The following ZNF469 variants were observed in gnomAD, a reference collection of about 807,000 sequenced individuals.
ZNF469 encodes the protein zinc finger protein 469.
In ZNF469, 1 loss-of-function variant was observed where a neutral mutation model predicts 1.0. The ratio of observed to expected loss-of-function variants is 1.00; its 90% CI spans 0.35 to 4.73. ZNF469 has a LOEUF of 4.73. Ranked by LOEUF, ZNF469 falls within the 30% of genes most tolerant of loss-of-function variation. ZNF469 has a pLI of 0.16. For synonymous variants in ZNF469, 2,703 were observed against 2,363.4 expected, an observed-to-expected ratio of 1.14 and a Z score of -4.17; for missense variants, 6,100 against 5,356.3, an observed-to-expected ratio of 1.14 and a Z score of -4.33.
chr16:88,155,221 G>A, the ZNF469 span, among the ~76,000 whole-genome samples: 5 of 152,240 alleles, frequency 3.3e-5, no homozygotes, highest in East Asian at 7.7e-4. Flanking sequence ...GGCCCACAGG[G>A]CTGAGTTCAA....
At chr16:88,158,213 C>A in the ZNF469 span, among the ~76,000 whole-genome samples, 2 of 151,756 alleles carry the variant, frequency 1.3e-5, no homozygotes, top group African/African-American at 4.8e-5. Flanking sequence ...TTGTTAGAGG[C>A]AGCCTCTGGG....
chr16:88,135,778 T>TTTTTG, the ZNF469 span, among the ~76,000 whole-genome samples: 1 of 124,706 alleles, frequency 8.0e-6, no homozygotes, highest in Non-Finnish European at 1.6e-5. Context: ...TTTTTTTTTT[T>TTTTTG]GGGATGGAGT....
chr16:88,348,999 C>A, the ZNF469 span, among the ~76,000 whole-genome samples: 2 of 152,222 alleles, frequency 1.3e-5, no homozygotes. Context: ...GTCCTCGGCC[C>A]CTGCCTCCCA....
chr16:88,228,352 G>A, the ZNF469 span, among the ~76,000 whole-genome samples: 3 of 152,240 alleles, frequency 2.0e-5, no homozygotes, highest in Non-Finnish European at 2.9e-5. Flanking sequence ...TGGCATGGGC[G>A]CTGGGTCTGG....
chr16:88,388,667 C>T (rs539861723), intron 1 of ZNF469, among the ~76,000 whole-genome samples: 80 of 152,368 alleles, frequency 5.3e-4, no homozygotes, highest in African/African-American at 1.6e-3. Context: ...GGTCTCCATA[C>T]TGGAGGAGGC....
At chr16:88,384,994 T>C (rs190518017) in intron 1 of ZNF469, among the ~76,000 whole-genome samples, 4 of 152,304 alleles carry the variant, frequency 2.6e-5, no homozygotes, top group Admixed American at 2.6e-4. Flanking sequence ...GCAGCACATC[T>C]GCTCAGCTGT....
the ZNF469 span, among the ~76,000 whole-genome samples, chr16:88,327,488 A>T: frequency 6.6e-6 from 1 of 151,874 alleles, no homozygotes; most frequent in African/African-American, 2.4e-5. Flanking sequence ...AAATGTTCTC[A>T]TCTGCGGTTC....
At chr16:88,239,661 TTTTTTGTATATATATATATATATATATA>T in the ZNF469 span, among the ~76,000 whole-genome samples, 1 of 106,154 alleles carries the variant, frequency 9.4e-6, no homozygotes, top group African/African-American at 3.6e-5. Flanking sequence ...CTTATTTTTT[TTTTTTGTATATATATATATATATATATA>T]TATATATATA....
At chr16:88,214,076 A>C in the ZNF469 span, among the ~76,000 whole-genome samples, 1 of 152,210 alleles carries the variant, frequency 6.6e-6, no homozygotes, top group Non-Finnish European at 1.5e-5. Flanking sequence ...TGCAGAAGTC[A>C]CAACCCCTGT....
the ZNF469 span, among the ~76,000 whole-genome samples, chr16:88,254,891 T>C: frequency 6.6e-6 from 1 of 152,228 alleles, no homozygotes; most frequent in Non-Finnish European, 1.5e-5. Context: ...AGATTACAGA[T>C]AAATTTTGGG....
the ZNF469 span, chr16:88,276,391 C>T: frequency 6.6e-6 from 1 of 152,220 alleles, no homozygotes; most frequent in Non-Finnish European, 1.5e-5. Flanking sequence ...TGGCAACTGC[C>T]CACCCTGGGG....
chr16:88,430,944 G>A lies in ZNF469; in HGVS notation c.3474G>A (p.Pro1158=), dbSNP rs893275981. ...GDGAPANPEE[P]GGSRPGPGRS... ...GAGCCCCCGCGAACCCCGAGGAGCCGGGCGGGTCTCGCCCGGGCCCCGGCA... is the reference window on the plus strand; with the variant it reads ...GAGCCCCCGCGAACCCCGAGGAGCCAGGCGGGTCTCGCCCGGGCCCCGGCA... The change falls in exon 3 of 3, where the codon CCG becomes CCA. Residue 1158 remains proline (P), a synonymous_variant. Coordinates refer to ENST00000565624, the MANE Select transcript of ZNF469 (RefSeq NM_001367624.2). 9.8e-6 allele frequency: 15 copies of A among 1,535,616 alleles called. No individual in the cohort carries two copies. In the African/African-American group the frequency reaches 1.8e-4, roughly 18 times the overall value.
At position 88,418,556 on chromosome 16, in the gene ZNF469, C is replaced by A. The variant is rs1337273973; in HGVS notation, c.-191-6251C>A. Among the ~76,000 whole-genome samples, 4 of 150,820 alleles carry A rather than the reference C, an allele frequency of 2.7e-5. No individual in the cohort carries two copies. In the East Asian group the frequency reaches 5.9e-4, roughly 22 times the overall value. ...GCACAAATCCCCACCGCCCCCCCGG[C>A]CACCTCCCTGTCATTTTCGAAGACA... On this transcript the variant is annotated intron_variant, in intron 1 of 2. Coordinates refer to ENST00000565624, the MANE Select transcript of ZNF469 (RefSeq NM_001367624.2).
At position 88,427,478 on chromosome 16, in the gene ZNF469, G is replaced by A; in HGVS notation, c.8G>A (p.Gly3Glu). Residue 3 changes from glycine to glutamate, a missense_variant, in exon 3 of 3, where the codon GGG (glycine) becomes GAG (glutamate). Physicochemically the swap from Gly to Glu is moderately conservative, Grantham distance 98. Transcript: ENST00000565624. ...CGCCAGGACGGAGGGGCCATGCCTG[G>A]GGAGCGCCCCCGAGGAGCGCCGCCC... MP[G>E]ERPRGAPPPT... The A allele has an allele frequency of 1.3e-6, 2 of 1,515,432 alleles. No homozygotes were observed. The highest frequency in any genetic ancestry group is 1.8e-6 in the Non-Finnish European group (2 of 1,134,586). The allele number at this position is 1,515,432 out of a possible 1,614,324, so 93.9% of individuals were successfully genotyped here. A position where few individuals can be genotyped will look rare whatever the true frequency, so the allele number is the denominator to read the frequency against.
At chr16:88,322,437 G>A in the ZNF469 span, among the ~76,000 whole-genome samples, 508 of 152,356 alleles carry the variant, frequency 3.3e-3, 1 homozygote, top group African/African-American at 0.012. Flanking sequence ...TCAGTGTCCC[G>A]GCCGTGTTCA....
At chr16:88,372,312 C>G in the ZNF469 span, among the ~76,000 whole-genome samples, 1 of 41,954 alleles carries the variant, frequency 2.4e-5, no homozygotes, top group Non-Finnish European at 5.2e-5. Context: ...CCATGATTAC[C>G]ACCATCATCA....
chr16:88,420,593 A>G (rs1387414844), intron 1 of ZNF469, among the ~76,000 whole-genome samples: 1 of 152,166 alleles, frequency 6.6e-6, no homozygotes, highest in East Asian at 1.9e-4. Flanking sequence ...GCGCCCTTTG[A>G]GAATTGCAGG....
At chr16:88,112,947 T>A in the ZNF469 span, among the ~76,000 whole-genome samples, 1 of 151,762 alleles carries the variant, frequency 6.6e-6, no homozygotes, top group African/African-American at 2.4e-5. Context: ...CTGGCTAATT[T>A]TTTTGCATTT....
chr16:88,359,824 C>G, the ZNF469 span, among the ~76,000 whole-genome samples: 1 of 152,274 alleles, frequency 6.6e-6, no homozygotes, highest in South Asian at 2.1e-4. Context: ...ATCCATATAC[C>G]TGCCACCTGG....
Sources: gnomAD v4.1 joint callset for allele counts (sites outside exome capture counted in the v4.1 genomes callset) on GRCh38, gnomAD v4.1.1 for gene constraint, MANE v1.5 for transcripts, NCBI Gene and HGNC (gene_info 2026-07-23, HGNC 2026-07-21) for gene names.